The following PCDH11X variants were observed in gnomAD, a reference collection of about 807,000 sequenced individuals.
PCDH11X encodes protocadherin-11 X-linked.
PCDH11X carries 18 observed loss-of-function variants against 53.3 expected under a neutral mutation model. The ratio of observed to expected loss-of-function variants is 0.34; its 90% confidence interval spans 0.23 to 0.50. PCDH11X has a LOEUF of 0.50. Among genes scored for constraint, PCDH11X ranks in the 20% least tolerant of loss-of-function variants. The pLI, the probability that PCDH11X is intolerant of heterozygous loss-of-function variation, is 0.98. For synonymous variants in PCDH11X, 279 were observed against 393.3 expected, an observed-to-expected ratio of 0.71 and a Z score of 3.44; for missense variants, 570 against 1,032.4, an observed-to-expected ratio of 0.55 and a Z score of 6.14.
chrX:92,219,687 G>GAA (rs755819869), intron 7 of PCDH11X, among the ~76,000 whole-genome samples: 22 of 87,258 alleles, frequency 2.5e-4, no homozygotes, highest in Non-Finnish European at 3.7e-4. Context: ...CACAGAATTG[G>GAA]AAAAAACTAC....
At chrX:92,579,017 C>T (rs1401568247) in intron 10 of PCDH11X, among the ~76,000 whole-genome samples, 1 of 108,745 alleles carries the variant, frequency 9.2e-6, no homozygotes, top group Non-Finnish European at 1.9e-5. Flanking sequence ...CTTAGTTAGG[C>T]CAGATAAGAA....
chrX:92,560,400 C>T (rs1028432916), intron 10 of PCDH11X, among the ~76,000 whole-genome samples: 3 of 112,398 alleles, frequency 2.7e-5, no homozygotes, highest in African/African-American at 9.7e-5. Context: ...CATTGAAAGA[C>T]TCCACCTGTT....
At chrX:92,284,366 T>C (rs6618945) in intron 8 of PCDH11X, among the ~76,000 whole-genome samples, 5,743 of 109,996 alleles carry the variant, frequency 0.052, 326 homozygotes, top group East Asian at 0.23. Context: ...TGGGACTGTG[T>C]CCAGTTATTA....
intron 6 of PCDH11X, among the ~76,000 whole-genome samples, chrX:92,166,130 T>A (rs886087954): frequency 2.7e-5 from 3 of 109,269 alleles, no homozygotes; most frequent in Non-Finnish European, 5.7e-5. Context: ...AGCTGACCAC[T>A]GTTTTTTATT....
intron 7 of PCDH11X, among the ~76,000 whole-genome samples, chrX:92,243,273 AT>A (rs1394294304): frequency 8.9e-6 from 1 of 112,012 alleles, no homozygotes; most frequent in African/African-American, 3.2e-5. Flanking sequence ...TTTTAAATTA[AT>A]TTTTGTGTAA....
intron 8 of PCDH11X, among the ~76,000 whole-genome samples, chrX:92,370,693 C>A (rs1041913638): frequency 2.7e-5 from 3 of 110,587 alleles, no homozygotes; most frequent in Non-Finnish European, 5.7e-5. Context: ...CTCTTGACCT[C>A]GTGATCCGCC....
At chrX:92,178,533 T>C (rs1390538161) in intron 6 of PCDH11X, among the ~76,000 whole-genome samples, 2 of 112,015 alleles carry the variant, frequency 1.8e-5, no homozygotes, top group South Asian at 3.6e-4. Context: ...GTGAAATGTA[T>C]ACATTGAACT....
chrX:91,907,412 C>CAGAGAGAGAGG (rs1556333056), intron 6 of PCDH11X, among the ~76,000 whole-genome samples: 1 of 57,498 alleles, frequency 1.7e-5, no homozygotes, highest in African/African-American at 7.5e-5. Flanking sequence ...CACACACACA[C>CAGAGAGAGAGG]AGAGAGAGAG....
At chrX:92,296,616 T>C (rs1482273855) in intron 8 of PCDH11X, among the ~76,000 whole-genome samples, 1 of 111,170 alleles carries the variant, frequency 9.0e-6, no homozygotes, top group Non-Finnish European at 1.9e-5. Context: ...CCATGATACC[T>C]ATGTACCACA....
chrX:92,214,441 ACC>A (rs1231712965), intron 7 of PCDH11X, among the ~76,000 whole-genome samples: 3 of 112,057 alleles, frequency 2.7e-5, no homozygotes, highest in African/African-American at 9.7e-5. Flanking sequence ...CTGTACACAG[ACC>A]CTGAGACAAG....
intron 6 of PCDH11X, among the ~76,000 whole-genome samples, chrX:91,911,415 T>C (rs776742903): frequency 9.1e-6 from 1 of 110,141 alleles, no homozygotes; most frequent in East Asian, 2.9e-4. Flanking sequence ...TCAGGGTAAA[T>C]GGGGTATGCT....
intron 6 of PCDH11X, among the ~76,000 whole-genome samples, chrX:91,926,480 C>T (rs1398340519): frequency 9.0e-6 from 1 of 111,305 alleles, no homozygotes; most frequent in Non-Finnish European, 1.9e-5. Context: ...GTTATCACTT[C>T]TTTTGATGAG....
At chrX:92,383,593 G>A (rs2070939235) in intron 8 of PCDH11X, among the ~76,000 whole-genome samples, 1 of 110,897 alleles carries the variant, frequency 9.0e-6, no homozygotes, top group African/African-American at 3.3e-5. Context: ...TTCTGTTCCT[G>A]TGTTAGTTTG....
intron 6 of PCDH11X, among the ~76,000 whole-genome samples, chrX:91,989,144 T>C (rs1380088939): frequency 9.1e-6 from 1 of 110,420 alleles, no homozygotes; most frequent in Non-Finnish European, 1.9e-5. Context: ...CCTGCTGTGA[T>C]ACTAGAAGGC....
intron 8 of PCDH11X, among the ~76,000 whole-genome samples, chrX:92,311,898 G>A (rs996274409): frequency 9.0e-6 from 1 of 111,661 alleles, no homozygotes; most frequent in Non-Finnish European, 1.9e-5. Flanking sequence ...TAAGGAAGCA[G>A]TAGGATATTA....
At chrX:92,034,117 T>G (rs772805350) in intron 6 of PCDH11X, among the ~76,000 whole-genome samples, 1 of 111,227 alleles carries the variant, frequency 9.0e-6, no homozygotes, top group East Asian at 2.9e-4. Context: ...AGAAGATGCT[T>G]GATATGATTT....
intron 5 of PCDH11X, among the ~76,000 whole-genome samples, chrX:91,875,732 A>C (rs1452188433): frequency 9.0e-6 from 1 of 110,852 alleles, no homozygotes; most frequent in East Asian, 2.8e-4. Context: ...TAAAAAAAAA[A>C]CAGTAAGAAA....
At chrX:92,210,910 C>T (rs2066573483) in intron 7 of PCDH11X, among the ~76,000 whole-genome samples, 1 of 111,761 alleles carries the variant, frequency 8.9e-6, no homozygotes, top group Non-Finnish European at 1.9e-5. Flanking sequence ...TAACTATCCA[C>T]ATTTTGGCCA....
chrX:91,843,425 T>C (rs1281709142), intron 5 of PCDH11X, among the ~76,000 whole-genome samples: 1 of 105,295 alleles, frequency 9.5e-6, no homozygotes, highest in Non-Finnish European at 1.9e-5. Context: ...TTCTCCTACC[T>C]TAGCCTCCCG....
Sources: allele counts gnomAD v4.1 joint callset (sites outside exome capture counted in the v4.1 genomes callset), GRCh38; gene constraint gnomAD v4.1.1; transcripts MANE v1.5; gene names NCBI Gene and HGNC (gene_info 2026-07-23, HGNC 2026-07-21).